SYNE1: variants seen among roughly 807,000 people sequenced by gnomAD.
SYNE1 encodes spectrin repeat containing nuclear envelope protein 1.
Under a neutral mutation model 1,111.0 loss-of-function variants are expected in SYNE1, and 616 were observed. That is an observed-to-expected ratio of 0.55 (90% CI 0.52 to 0.59). The LOEUF (loss-of-function observed/expected upper bound fraction) is 0.59. Ranked by LOEUF, SYNE1 falls within the 20% of genes least tolerant of loss-of-function variation. The pLI is 0.00. For synonymous variants in SYNE1, 3,855 were observed against 3,825.8 expected (o/e 1.01, Z -0.28); for missense variants, 10,006 against 10,417.0 (o/e 0.96, Z 1.72).
Position 152,135,187 on chromosome 6 carries a change from T to C in SYNE1, c.25705A>G (p.Ile8569Val), listed in dbSNP as rs1260198851. ...SHGLLLMLEN[I>V]DRRKNEIVPI... ...ACAATTTCATTTTTCCTTCTGTCAA[T>C]GTTCTCCAGCATAAGAAGCAAACCA... Residue 8569 changes from isoleucine (I) to valine (V), a missense_variant, in exon 142 of 146, where the codon ATT (isoleucine) becomes GTT (valine). Transcript: ENST00000367255. 3.7e-6 allele frequency: 6 copies of C among 1,614,156 alleles called. No individual in the cohort carries two copies. The highest frequency in any genetic ancestry group is 5.1e-6 in the Non-Finnish European group (6 of 1,180,012).
At chr6:152,403,953 CAT>C (rs1410060870) in intron 46 of SYNE1, among the ~76,000 whole-genome samples, 3 of 151,868 alleles carry the variant, frequency 2.0e-5, no homozygotes, top group Non-Finnish European at 2.9e-5. Flanking sequence ...ATACAATCCA[CAT>C]GTTTCCTTGG....
intron 56 of SYNE1, among the ~76,000 whole-genome samples, chr6:152,377,861 C>T (rs2097325855): frequency 6.6e-6 from 1 of 151,526 alleles, no homozygotes; most frequent in South Asian, 2.1e-4. Context: ...GATTCTGGGA[C>T]CCAAGTCCCC....
chr6:152,433,712 A>C, intron 34 of SYNE1, 83 bp downstream of exon 34: 1 of 1,517,180 alleles, frequency 6.6e-7, no homozygotes, highest in Non-Finnish European at 9.1e-7. Context: ...TTGTCCTGGG[A>C]CCGAACAGCA....
At chr6:152,543,806 G>A (rs887872360) in intron 3 of SYNE1, among the ~76,000 whole-genome samples, 7 of 152,122 alleles carry the variant, frequency 4.6e-5, no homozygotes, top group Non-Finnish European at 8.8e-5. Context: ...TACTTACCAT[G>A]TGCTACAATT....
chr6:152,195,558 G>A (rs1346431897), intron 127 of SYNE1, among the ~76,000 whole-genome samples: 1 of 152,246 alleles, frequency 6.6e-6, no homozygotes, highest in Non-Finnish European at 1.5e-5. Context: ...CAGACTGATA[G>A]AGGAACCACC....
Position 152,578,707 on chromosome 6 carries a change from A to G in SYNE1, c.68-38686T>C, listed in dbSNP as rs1313508897. On this transcript the variant is annotated intron_variant, in intron 3 of 145. Coordinates refer to ENST00000367255, the MANE Select transcript of SYNE1 (RefSeq NM_182961.4). ...GAAATTTTTAAGGCTTATTAACCCTATGAAGTCTATAACCCTGTTTTCCTG... is the reference window on the plus strand; with the variant it reads ...GAAATTTTTAAGGCTTATTAACCCTGTGAAGTCTATAACCCTGTTTTCCTG... Among the ~76,000 whole-genome samples the G allele has an allele frequency of 7.9e-5, 12 of 152,366 alleles. No homozygotes were observed. The East Asian group carries it at 1.5e-3, about 20-fold the overall frequency.
intron 3 of SYNE1, among the ~76,000 whole-genome samples, chr6:152,610,759 C>A (rs911763063): frequency 7.9e-5 from 12 of 152,080 alleles, no homozygotes; most frequent in Admixed American, 7.2e-4. Flanking sequence ...GTCGGGTTAC[C>A]CATAAAGGGA....
chr6:152,204,496 T>C (rs1563480652), intron 126 of SYNE1, among the ~76,000 whole-genome samples: 1 of 152,186 alleles, frequency 6.6e-6, no homozygotes, highest in South Asian at 2.1e-4. Flanking sequence ...ATGCCTATAT[T>C]TGGCATACTT....
At chr6:152,456,664 T>G (rs1340278156) in intron 22 of SYNE1, 1 of 438,940 alleles carries the variant, frequency 2.3e-6, no homozygotes, top group Non-Finnish European at 4.5e-6. Context: ...CAATGGTGAC[T>G]TACAGACACC....
At chr6:152,588,032 C>A (rs201383357) in intron 3 of SYNE1, among the ~76,000 whole-genome samples, 1 of 152,198 alleles carries the variant, frequency 6.6e-6, no homozygotes, top group East Asian at 1.9e-4. Flanking sequence ...TAACTGGACA[C>A]TTATCTTAGA....
In SYNE1 at chr6:152,407,091, A is replaced by T. The variant is rs1183559257; in HGVS notation, c.6646T>A (p.Cys2216Ser). 1 of 1,614,062 alleles carries T rather than the reference A, an allele frequency of 6.2e-7. No homozygotes were observed. The highest frequency in any genetic ancestry group is 1.7e-5 in the Admixed American group (1 of 60,022). The change falls in exon 45 of 146, where the codon TGC becomes AGC. Residue 2216 changes from cysteine to serine, a missense_variant. Cys to Ser is a moderately radical substitution (Grantham distance 112). Transcript: ENST00000367255. Reference protein sequence around the residue: ...RDEIEGWSNNCVPQMAENISN... With the variant: ...RDEIEGWSNNSVPQMAENISN... ...ATGTTTTCTGCCATCTGTGGAACGCAGTTGTTTGACCATCCCTCAATCTCA... is the reference window on the plus strand; with the variant it reads ...ATGTTTTCTGCCATCTGTGGAACGCTGTTGTTTGACCATCCCTCAATCTCA...
Position 152,281,970 on chromosome 6 carries a change from T to C in SYNE1, c.18218A>G (p.Asn6073Ser). ...GKRQLLEEKL[N>S]DQLEEQRQEQ... ...CTGCCTTTGTTCCTCCAGCTGATCA[T>C]TCAACTTCTCCTGTTGAATTCAGTA... is the stretch of plus-strand genomic sequence containing the variant. Residue 6073 changes from asparagine (N) to serine (S), a missense_variant, in exon 97 of 146, where the codon AAT becomes AGT. By Grantham distance (46) the Asn-to-Ser change is conservative. Transcript: ENST00000367255. 2 of 1,613,970 alleles carry C rather than the reference T, an allele frequency of 1.2e-6. No individual in the cohort carries two copies. Among genetic ancestry groups the C allele is most frequent in the Non-Finnish European group, 1.7e-6 (2 of 1,180,036 alleles).
intron 3 of SYNE1, among the ~76,000 whole-genome samples, chr6:152,580,352 T>C (rs946211394): frequency 1.3e-5 from 2 of 152,190 alleles, no homozygotes; most frequent in Non-Finnish European, 2.9e-5. Flanking sequence ...CATTTTTCAA[T>C]GGGGTTGTTT....
At chr6:152,156,375 T>C (rs541367418) in intron 131 of SYNE1, among the ~76,000 whole-genome samples, 1 of 152,246 alleles carries the variant, frequency 6.6e-6, no homozygotes, top group South Asian at 2.1e-4. Flanking sequence ...CTTTAATCAA[T>C]AAAAAATGAA....
chr6:152,355,287 T>C (rs1052193281), intron 66 of SYNE1, among the ~76,000 whole-genome samples: 1 of 152,214 alleles, frequency 6.6e-6, no homozygotes, highest in East Asian at 1.9e-4. Context: ...GGCTATTGTT[T>C]AAAAGAATGA....
chr6:152,534,189 TG>T (rs1564694124), intron 4 of SYNE1, among the ~76,000 whole-genome samples: 5 of 148,250 alleles, frequency 3.4e-5, no homozygotes, highest in Admixed American at 6.8e-5. Context: ...AATGAATGAA[TG>T]AATGAATGAA....
chr6:152,170,295 A>G (rs555221825), intron 130 of SYNE1, among the ~76,000 whole-genome samples: 1 of 152,364 alleles, frequency 6.6e-6, no homozygotes, highest in East Asian at 1.9e-4. Flanking sequence ...TATTTATACT[A>G]TGGAATACTC....
intron 77 of SYNE1, among the ~76,000 whole-genome samples, chr6:152,333,530 T>C (rs1428760089): frequency 1.3e-5 from 2 of 152,208 alleles, no homozygotes; most frequent in African/African-American, 4.8e-5. Context: ...AATATCGAGC[T>C]AGGAAAACCA....
chr6:152,465,844 C>A, intron 17 of SYNE1, 138 bp downstream of exon 17: 1 of 672,570 alleles, frequency 1.5e-6, no homozygotes, highest in Non-Finnish European at 2.7e-6. Context: ...GAACTGAATC[C>A]AGTATGTGTT....
Sources: allele counts gnomAD v4.1 joint callset (sites outside exome capture counted in the v4.1 genomes callset), GRCh38; gene constraint gnomAD v4.1.1; transcripts MANE v1.5; gene names NCBI Gene and HGNC (gene_info 2026-07-23, HGNC 2026-07-21).